RAP1GAP: variants seen among roughly 807,000 people sequenced by gnomAD.
RAP1GAP encodes rap1 GTPase-activating protein 1.
Under a neutral mutation model 87.2 loss-of-function variants are expected in RAP1GAP, and 35 were observed. That is an observed-to-expected ratio of 0.40 (90% CI 0.31 to 0.53). RAP1GAP has a LOEUF of 0.53. Among genes scored for constraint, RAP1GAP ranks in the 20% least tolerant of loss-of-function variants. The probability of loss-of-function intolerance (pLI) is 0.48; values close to 1 mark genes in which losing one functional copy is unlikely to be tolerated. For synonymous variants in RAP1GAP, 375 were observed against 363.9 expected, an observed-to-expected ratio of 1.03 and a Z score of -0.35; for missense variants, 734 against 898.9, an observed-to-expected ratio of 0.82 and a Z score of 2.35.
At chr1:21,621,316 A>C (rs994428524) in intron 3 of RAP1GAP, among the ~76,000 whole-genome samples, 15 of 152,306 alleles carry the variant, frequency 9.8e-5, no homozygotes, top group Middle Eastern at 3.4e-3. Context: ...GCAGGGTCAC[A>C]TAACAACAGT....
rs1037097214 is a variant in RAP1GAP, at chr1:21,603,775, G to A, written c.1429-862C>T. On this transcript the variant is annotated intron_variant, in intron 18 of 24. Transcript: ENST00000374765. The surrounding 1 kb of genome is among the most constrained non-coding windows in gnomAD (Gnocchi z 6.0). ...CCCCAATATGGCCTCCGTCCTGAGA[G>A]CGAGCAGAGAACAGCGCGTGCAGGC... The A allele has an allele frequency of 2.0e-6, 3 of 1,527,918 alleles. No individual in the cohort carries two copies. The highest frequency in any genetic ancestry group is 2.7e-5 in the African/African-American group (2 of 73,038). The allele number at this position is 1,527,918 out of a possible 1,614,324, so 94.6% of individuals were successfully genotyped here. A position where few individuals can be genotyped will look rare whatever the true frequency, so the allele number is the denominator to read the frequency against.
intron 1 of RAP1GAP, among the ~76,000 whole-genome samples, chr1:21,666,776 T>C (rs943032777): frequency 6.6e-6 from 1 of 152,114 alleles, no homozygotes; most frequent in Non-Finnish European, 1.5e-5. Flanking sequence ...AGGTTCATTT[T>C]TAAGGGCGTA....
Position 21,668,326 on chromosome 1 carries a change from G to A in RAP1GAP, c.-149+928C>T, listed in dbSNP as rs1198886288. On this transcript the variant is annotated intron_variant, in intron 1 of 24. Transcript: ENST00000374765. This position sits in a 1 kb window ranked among gnomAD's most constrained non-coding sequence, Gnocchi z 6.2. ...TCCCTCAGTGTCCTTCCTGCCTGCC[G>A]CCCCAGGGGCCTGACCTCTGACTTG... is the stretch of plus-strand genomic sequence containing the variant. Among the ~76,000 whole-genome samples, 1 of 152,038 alleles carries A rather than the reference G, an allele frequency of 6.6e-6. No individual in the cohort carries two copies. The highest frequency in any genetic ancestry group is 1.5e-5 in the Non-Finnish European group (1 of 68,004).
chr1:21,663,371 G>A (rs774761770), intron 1 of RAP1GAP, among the ~76,000 whole-genome samples: 11 of 152,194 alleles, frequency 7.2e-5, no homozygotes, highest in Non-Finnish European at 1.0e-4. Flanking sequence ...GTCTGCCAGC[G>A]GGTGGATGGC....
At chr1:21,651,847 G>C (rs1436257498) in intron 1 of RAP1GAP, 35 of 1,132,706 alleles carry the variant, frequency 3.1e-5, no homozygotes, top group East Asian at 4.8e-5. Context: ...CGCCCGGCCC[G>C]GCCCGCGCGA....
chr1:21,624,722 C>T (rs188273918), intron 3 of RAP1GAP, among the ~76,000 whole-genome samples: 2 of 152,308 alleles, frequency 1.3e-5, no homozygotes, highest in South Asian at 2.1e-4. Context: ...TGTGTTGGCA[C>T]AAACGGAGGC....
chr1:21,604,997 A>ATGGG (rs1232204030), intron 18 of RAP1GAP, among the ~76,000 whole-genome samples: 1 of 25,132 alleles, frequency 4.0e-5, no homozygotes, highest in Non-Finnish European at 7.3e-5. Context: ...AGGTGGGTGG[A>ATGGG]TGGGTGGGTG....
chr1:21,606,375 C>T (rs1481102001), intron 17 of RAP1GAP, among the ~76,000 whole-genome samples, 178 bp from the exon 18 acceptor site: 1 of 152,226 alleles, frequency 6.6e-6, no homozygotes, highest in African/African-American at 2.4e-5. Context: ...GGCCAGGCCT[C>T]AATTTCCCTG....
intron 1 of RAP1GAP, chr1:21,651,648 G>T: frequency 1.0e-6 from 1 of 956,906 alleles, no homozygotes; most frequent in Non-Finnish European, 1.6e-6. Flanking sequence ...GAGGTCAAAC[G>T]CTCAGCCCCC....
At chr1:21,660,353 T>TATATATATATATATATATAGAGAGAGAGA in intron 1 of RAP1GAP, among the ~76,000 whole-genome samples, 1 of 26,816 alleles carries the variant, frequency 3.7e-5, no homozygotes, top group Non-Finnish European at 8.4e-5. Flanking sequence ...ATATATTTAT[T>TATATATATATATATATATAGAGAGAGAGA]GAGACAGTCT....
At chr1:21,649,862 T>A in intron 1 of RAP1GAP, 66 bp from the exon 2 acceptor site, 1 of 1,485,670 alleles carries the variant, frequency 6.7e-7, no homozygotes, top group Non-Finnish European at 9.2e-7. Context: ...GCCCAGCATA[T>A]CACACCCACC....
intron 1 of RAP1GAP, chr1:21,651,412 G>T (rs1178407954): frequency 1.8e-6 from 1 of 550,546 alleles, no homozygotes; most frequent in Non-Finnish European, 3.7e-6. Flanking sequence ...GAGCAGTTGC[G>T]CACACACGCA....
In RAP1GAP at chr1:21,619,039, G is replaced by A; in HGVS notation, c.52C>T (p.Pro18Ser). The change falls in exon 5 of 25, where the codon CCG becomes TCG. Residue 18 changes from proline (P) to serine (S), a missense_variant. By Grantham distance (74) the Pro-to-Ser change is moderately conservative (BLOSUM62 -1). Around this residue, in one of 2 missense-constraint regions of RAP1GAP, gnomAD observed 485 missense variants for 646.2 expected, o/e 0.75. Coordinates refer to ENST00000374765, the MANE Select transcript of RAP1GAP (RefSeq NM_002885.4). The part of the protein sequence containing the change: ...SRMDEQRCSF[P>S]PPLKTEEDYI... Reference sequence around the variant, plus strand: ...GGCCCACCTACTTTGAGGGGCGGCGGGAAGGAGCAGCGTTGTTCATCCATC... The same window carrying A: ...GGCCCACCTACTTTGAGGGGCGGCGAGAAGGAGCAGCGTTGTTCATCCATC... The A allele has an allele frequency of 6.2e-7, 1 of 1,601,956 alleles. No individual in the cohort carries two copies. The highest frequency in any genetic ancestry group is 8.5e-7 in the Non-Finnish European group (1 of 1,173,616).
In RAP1GAP at chr1:21,626,346, T is replaced by A. The variant is rs778427485; in HGVS notation, c.-61A>T. 2 of 1,613,176 alleles carry A rather than the reference T, an allele frequency of 1.2e-6. No homozygotes were observed. The highest frequency in any genetic ancestry group is 1.7e-6 in the Non-Finnish European group (2 of 1,179,248). ...GAGTATAGGAGGGAACTAAGTTCAC[T>A]CGTGACAGGTCTAGTGCCTGAGGGA... On this transcript the variant is annotated 5_prime_UTR_variant, in exon 3 of 25. Transcript: ENST00000374765.
intron 2 of RAP1GAP, among the ~76,000 whole-genome samples, chr1:21,649,345 C>G (rs2096372385): frequency 1.3e-5 from 2 of 151,916 alleles, no homozygotes; most frequent in Non-Finnish European, 2.9e-5. Flanking sequence ...AGGGGCCACC[C>G]TGAGGTGGGA....
chr1:21,645,444 C>T (rs2095954099), intron 2 of RAP1GAP, among the ~76,000 whole-genome samples: 1 of 152,062 alleles, frequency 6.6e-6, no homozygotes, highest in Non-Finnish European at 1.5e-5. Context: ...TGCCCCACTG[C>T]ACTCCAGCAT....
At chr1:21,628,071 G>C (rs1487575593) in intron 2 of RAP1GAP, among the ~76,000 whole-genome samples, 2 of 152,138 alleles carry the variant, frequency 1.3e-5, no homozygotes, top group African/African-American at 2.4e-5. Context: ...ATTTGTTCAT[G>C]GTAAACTCTG....
intron 5 of RAP1GAP, 113 bp from the exon 6 acceptor site, chr1:21,618,085 C>T (rs1300091997): frequency 1.6e-6 from 2 of 1,236,308 alleles, no homozygotes; most frequent in African/African-American, 3.0e-5. Flanking sequence ...GGGCCCTGGC[C>T]TCATCACCTC....
At chr1:21,651,470 G>C (rs781534188) in intron 1 of RAP1GAP, 3 of 607,246 alleles carry the variant, frequency 4.9e-6, no homozygotes, top group South Asian at 4.2e-5. Context: ...CGCAGCCCCA[G>C]TCACATGCAT....
Sources: gnomAD v4.1 joint callset for allele counts (sites outside exome capture counted in the v4.1 genomes callset) on GRCh38, gnomAD v4.1.1 for gene constraint, gnomAD v4.1.1 regional missense constraint, Gnocchi (gnomAD v3.1) non-coding constraint, MANE v1.5 for transcripts, NCBI Gene and HGNC (gene_info 2026-07-23, HGNC 2026-07-21) for gene names.